Variants in OSBPL10 observed in about 807,000 individuals in gnomAD.
OSBPL10 encodes the protein oxysterol binding protein like 10, also known as oxysterol-binding protein-related protein 10.
Under a neutral mutation model 81.7 loss-of-function variants are expected in OSBPL10, and 49 were observed. That is an observed-to-expected ratio of 0.60 (90% CI 0.48 to 0.76). The LOEUF is 0.76. Ranked by LOEUF, OSBPL10 falls within the 30% of genes least tolerant of loss-of-function variation. The pLI is 0.00. For missense variants in OSBPL10, 923 were observed against 987.8 expected (o/e 0.93, Z 0.88); for synonymous variants, 419 against 383.6 (o/e 1.09, Z -1.08).
intron 4 of OSBPL10, among the ~76,000 whole-genome samples, chr3:31,801,089 C>G (rs2125449815): frequency 6.6e-6 from 1 of 152,192 alleles, no homozygotes; most frequent in Non-Finnish European, 1.5e-5. Context: ...AGGATCCAGC[C>G]ACCTGGACTA....
chr3:31,868,071 G>A lies in OSBPL10; in HGVS notation c.537+8362C>T, dbSNP rs946020072. On this transcript the variant is annotated intron_variant, in intron 3 of 11. Transcript: ENST00000396556. ...ATGAACGTACAAGAAAAAAAAAAAA[G>A]ACGGGCAGGACGGACCTCCAAATGG... Among the ~76,000 whole-genome samples, 121 of 151,116 alleles carry A rather than the reference G, an allele frequency of 8.0e-4. 2 individuals are homozygous for A. The highest frequency in any genetic ancestry group is 2.8e-3 in the African/African-American group (114 of 41,242).
chr3:31,742,890 A>AC (rs1346220291), intron 5 of OSBPL10, among the ~76,000 whole-genome samples: 1 of 152,106 alleles, frequency 6.6e-6, no homozygotes, highest in Non-Finnish European at 1.5e-5. Context: ...GGGAAGGCAC[A>AC]CATCTAGGCT....
chr3:31,952,505 A>C (rs1697896881), intron 1 of OSBPL10, among the ~76,000 whole-genome samples: 1 of 152,216 alleles, frequency 6.6e-6, no homozygotes, highest in Non-Finnish European at 1.5e-5. Flanking sequence ...GCCCACCAGC[A>C]ACTTGGGGCA....
intron 1 of OSBPL10, among the ~76,000 whole-genome samples, chr3:31,937,608 C>T (rs9862404): frequency 0.092 from 13,919 of 152,040 alleles, 747 homozygotes; most frequent in East Asian, 0.18. Flanking sequence ...CCCAGACCCC[C>T]GACCCTTTCC....
intron 6 of OSBPL10, among the ~76,000 whole-genome samples, chr3:31,723,570 A>C (rs935825466): frequency 3.5e-4 from 52 of 150,380 alleles, no homozygotes; most frequent in African/African-American, 1.1e-3. Flanking sequence ...ACACACACAC[A>C]CCCCTTTCCC....
At chr3:31,930,907 G>A (rs371695735) in intron 1 of OSBPL10, among the ~76,000 whole-genome samples, 5 of 150,800 alleles carry the variant, frequency 3.3e-5, no homozygotes, top group Admixed American at 2.0e-4. Flanking sequence ...CCAGCTACTC[G>A]GGAGGCTGAG....
intron 2 of OSBPL10, among the ~76,000 whole-genome samples, chr3:32,037,312 A>C (rs1466751203): frequency 6.6e-6 from 1 of 152,184 alleles, no homozygotes; most frequent in Admixed American, 6.5e-5. Context: ...TGCAGTCAGA[A>C]AATCCTAGAA....
At chr3:32,070,543 A>G (rs761980195) in intron 1 of OSBPL10, among the ~76,000 whole-genome samples, 9 of 152,140 alleles carry the variant, frequency 5.9e-5, no homozygotes, top group Non-Finnish European at 8.8e-5. Flanking sequence ...TCACATGCCC[A>G]TTACTATCCC....
intron 8 of OSBPL10, among the ~76,000 whole-genome samples, chr3:31,672,159 C>G (rs1408011828): frequency 6.6e-6 from 1 of 151,998 alleles, no homozygotes; most frequent in African/African-American, 2.4e-5. Context: ...CACATGAGAG[C>G]ACTTTCCAGC....
At chr3:31,896,574 G>A (rs1696064511) in intron 1 of OSBPL10, among the ~76,000 whole-genome samples, 2 of 152,256 alleles carry the variant, frequency 1.3e-5, no homozygotes, top group Admixed American at 1.3e-4. Context: ...TGCAGGGACA[G>A]TCCAGGACAA....
chr3:31,703,086 C>T (rs998406349), intron 6 of OSBPL10, among the ~76,000 whole-genome samples: 1 of 152,196 alleles, frequency 6.6e-6, no homozygotes, highest in Non-Finnish European at 1.5e-5. Flanking sequence ...AAAACTGAAA[C>T]TTTATGATAC....
chr3:31,852,528 G>C (rs1700795763), intron 3 of OSBPL10, among the ~76,000 whole-genome samples: 1 of 152,246 alleles, frequency 6.6e-6, no homozygotes, highest in South Asian at 2.1e-4. Flanking sequence ...ACACATTTTT[G>C]TGACATTTGA....
At chr3:31,797,161 A>T (rs1699246274) in intron 4 of OSBPL10, among the ~76,000 whole-genome samples, 1 of 151,788 alleles carries the variant, frequency 6.6e-6, no homozygotes, top group Non-Finnish European at 1.5e-5. Context: ...CGCCCAGCTA[A>T]TTTTTGTATC....
intron 2 of OSBPL10, among the ~76,000 whole-genome samples, chr3:32,010,460 G>T (rs566126190): frequency 6.6e-6 from 1 of 152,154 alleles, no homozygotes; most frequent in Non-Finnish European, 1.5e-5. Context: ...AAAAGGGGGG[G>T]CAGTTCCAAG....
chr3:31,690,535 G>A (rs779110915), intron 7 of OSBPL10, among the ~76,000 whole-genome samples: 1 of 152,150 alleles, frequency 6.6e-6, no homozygotes, highest in Non-Finnish European at 1.5e-5. Flanking sequence ...AAAGAAAAAA[G>A]GTTCTACTGG....
intron 1 of OSBPL10, among the ~76,000 whole-genome samples, chr3:31,944,532 G>A (rs1483613252): frequency 3.3e-5 from 5 of 152,100 alleles, no homozygotes; most frequent in Non-Finnish European, 5.9e-5. Flanking sequence ...CATGTGGAGA[G>A]AAAGATTTAT....
intron 8 of OSBPL10, among the ~76,000 whole-genome samples, chr3:31,678,212 T>G (rs921308727): frequency 4.6e-5 from 7 of 152,030 alleles, no homozygotes; most frequent in African/African-American, 1.2e-4. Context: ...CCATGTGCTG[T>G]GCTGGGCTGA....
chr3:31,965,545 A>T (rs1575065543), intron 1 of OSBPL10, among the ~76,000 whole-genome samples: 1 of 41,282 alleles, frequency 2.4e-5, no homozygotes, highest in East Asian at 1.6e-3. Context: ...TAAATTATAT[A>T]TTATATATTA....
At chr3:31,992,300 G>A (rs941967242) in intron 2 of OSBPL10, among the ~76,000 whole-genome samples, 1 of 152,096 alleles carries the variant, frequency 6.6e-6, no homozygotes, top group Non-Finnish European at 1.5e-5. Context: ...GCAGCTTTTT[G>A]TATTGGTTTC....
Sources: gnomAD v4.1 joint callset for allele counts (sites outside exome capture counted in the v4.1 genomes callset) on GRCh38, gnomAD v4.1.1 for gene constraint, MANE v1.5 for transcripts, NCBI Gene and HGNC (gene_info 2026-07-23, HGNC 2026-07-21) for gene names.